RNF41: variants seen among roughly 807,000 people sequenced by gnomAD.
RNF41 encodes E3 ubiquitin-protein ligase NRDP1.
Under a neutral mutation model 33.0 loss-of-function variants are expected in RNF41, and 4 were observed. The ratio of observed to expected loss-of-function variants is 0.12; its 90% confidence interval spans 0.06 to 0.28. RNF41 has a LOEUF of 0.28. RNF41 is among the 10% of genes least tolerant of loss of function. The pLI, the probability that RNF41 is intolerant of heterozygous loss-of-function variation, is 1.00. For missense variants in RNF41, 228 were observed against 432.6 expected (o/e 0.53, Z 4.19); for synonymous variants, 164 against 153.2 (o/e 1.07, Z -0.52).
At position 56,206,130 on chromosome 12, in the gene RNF41, G is replaced by A; in HGVS notation, c.*317C>T. ...TCTGTCCTGATCCTCCAGGGAAATT[G>A]AATCTCTTTGTGCTTTCTGAAAATA... On this transcript the variant is annotated 3_prime_UTR_variant, in exon 7 of 7. Transcript: ENST00000345093. The surrounding 1 kb of genome is among the most constrained non-coding windows in gnomAD (Gnocchi z 5.7). 3.4e-6 allele frequency: 1 copy of A among 297,272 alleles called. No individual in the cohort carries two copies. Among genetic ancestry groups the A allele is most frequent in the Admixed American group, 4.8e-5 (1 of 20,856 alleles). The allele number at this position is 297,272 out of a possible 1,614,324, so 18.4% of individuals were successfully genotyped here. A position where few individuals can be genotyped will look rare whatever the true frequency, so the allele number is the denominator to read the frequency against.
intron 3 of RNF41, chr12:56,213,081 T>C (rs1565943704): frequency 1.6e-6 from 2 of 1,289,746 alleles, no homozygotes; most frequent in African/African-American, 1.5e-5. Flanking sequence ...AAATGACCTA[T>C]TGAAGGTGGC....
At position 56,206,425 on chromosome 12, in the gene RNF41, C is replaced by T; in HGVS notation, c.*22G>A. On this transcript the variant is annotated 3_prime_UTR_variant, in exon 7 of 7. Coordinates refer to ENST00000345093, the MANE Select transcript of RNF41 (RefSeq NM_005785.4). This position sits in a 1 kb window ranked among gnomAD's most constrained non-coding sequence, Gnocchi z 5.7. The stretch of plus-strand genomic sequence containing the variant: ...TGGGATTTTCTGATTTCCATCTCTT[C>T]CTGATAGCCAGTCGAGTTCTCTTAT... 6.3e-7 allele frequency: 1 copy of T among 1,575,948 alleles called. No individual in the cohort carries two copies. The highest frequency in any genetic ancestry group is 8.7e-7 in the Non-Finnish European group (1 of 1,155,984).
chr12:56,212,396 T>G (rs1049721988), intron 3 of RNF41, among the ~76,000 whole-genome samples: 7 of 152,148 alleles, frequency 4.6e-5, no homozygotes, highest in African/African-American at 1.7e-4. Context: ...CTTAGAAATG[T>G]GTCTGGGAAC....
Position 56,215,016 on chromosome 12 carries a change from A to G in RNF41, c.-23-946T>C, listed in dbSNP as rs144529424. On this transcript the variant is annotated intron_variant, in intron 2 of 6. Transcript: ENST00000345093. ...AAGTTTTCCAGGACTGGGCGTCACC[A>G]GAAACGTGTCCTGTAGGGCAAGAGT... is the stretch of plus-strand genomic sequence containing the variant. Among the ~76,000 whole-genome samples the G allele has an allele frequency of 1.7e-3, 258 of 152,328 alleles. 1 individual carries two copies. Among genetic ancestry groups the G allele is most frequent in the African/African-American group, 4.5e-3 (186 of 41,572 alleles).
intron 2 of RNF41, among the ~76,000 whole-genome samples, chr12:56,214,810 C>G (rs929265752): frequency 6.6e-6 from 1 of 151,634 alleles, no homozygotes; most frequent in African/African-American, 2.4e-5. Context: ...GCCTAGGCAA[C>G]AGAGTAAGAC....
At chr12:56,210,810 G>A (rs1421829220) in intron 3 of RNF41, among the ~76,000 whole-genome samples, 2 of 152,190 alleles carry the variant, frequency 1.3e-5, no homozygotes, top group Admixed American at 1.3e-4. Flanking sequence ...GGAGGCTAAG[G>A]CAGGCACACT....
In RNF41 at chr12:56,206,090, T is replaced by G; in HGVS notation, c.*357A>C. ...CCCTGGTTTTGGAGGAGAGGGACGA[T>G]TAGAGATTCCTTCCTCTGTCCTGAT... On this transcript the variant is annotated 3_prime_UTR_variant, in exon 7 of 7. Coordinates refer to ENST00000345093, the MANE Select transcript of RNF41 (RefSeq NM_005785.4). The surrounding 1 kb of genome is among the most constrained non-coding windows in gnomAD (Gnocchi z 5.7). 1 of 213,302 alleles carries G rather than the reference T, an allele frequency of 4.7e-6. No individual in the cohort carries two copies. Among genetic ancestry groups the G allele is most frequent in the Admixed American group, 5.2e-5 (1 of 19,312 alleles). 13.2% of individuals were successfully genotyped at this position (213,302 alleles called of 1,614,324 possible). A position where few individuals can be genotyped will look rare whatever the true frequency, so the allele number is the denominator to read the frequency against.
At position 56,210,431 on chromosome 12, in the gene RNF41, C is replaced by T; in HGVS notation, c.228G>A (p.Leu76=). The T allele has an allele frequency of 6.2e-7, 1 of 1,614,226 alleles. No individual in the cohort carries two copies. Among genetic ancestry groups the T allele is most frequent in the Non-Finnish European group, 8.5e-7 (1 of 1,180,040 alleles). Residue 76 remains leucine, a synonymous_variant, in exon 4 of 7, where the codon TTG becomes TTA. Transcript: ENST00000345093. ...TGTCACAGGCAATCTGCAGCTTTGA[C>T]AACATGTTCCGCATGATCCGAGGTA... The part of the protein sequence containing the change: ...RPVPRIMRNM[L]SKLQIACDNA...
intron 4 of RNF41, among the ~76,000 whole-genome samples, chr12:56,208,835 G>A (rs954639223): frequency 1.8e-4 from 27 of 150,758 alleles, no homozygotes; most frequent in Non-Finnish European, 3.7e-4. Context: ...CAAAGTGTTG[G>A]GATTACAGGC....
intron 1 of RNF41, among the ~76,000 whole-genome samples, chr12:56,221,066 C>A (rs753783362): frequency 2.0e-5 from 3 of 152,118 alleles, no homozygotes; most frequent in African/African-American, 4.8e-5. Context: ...AGTTTCTGAA[C>A]GGGGAAGCAG....
At chr12:56,211,397 G>A (rs1868465625) in intron 3 of RNF41, among the ~76,000 whole-genome samples, 1 of 151,800 alleles carries the variant, frequency 6.6e-6, no homozygotes, top group South Asian at 2.1e-4. Flanking sequence ...AAAATGAGTT[G>A]TGAAACAAGA....
chr12:56,215,486 T>C (rs1237626572), intron 2 of RNF41, among the ~76,000 whole-genome samples: 3 of 151,520 alleles, frequency 2.0e-5, no homozygotes, highest in Non-Finnish European at 4.4e-5. Context: ...TTTGGGAGGC[T>C]GAGGCAGACG....
intron 2 of RNF41, among the ~76,000 whole-genome samples, chr12:56,214,286 C>T (rs1346331654): frequency 1.3e-5 from 2 of 151,830 alleles, no homozygotes; most frequent in Admixed American, 6.6e-5. Context: ...TTTGGGAGGC[C>T]GAGGCAGGCG....
chr12:56,208,309 G>C lies in RNF41; in HGVS notation c.363-11C>G, dbSNP rs1868315146. 1.2e-6 allele frequency: 2 copies of C among 1,613,926 alleles called. No individual in the cohort carries two copies. The highest frequency in any genetic ancestry group is 1.7e-5 in the Admixed American group (1 of 59,978). On this transcript the variant is annotated splice_polypyrimidine_tract_variant and intron_variant, in intron 4 of 6. Coordinates refer to ENST00000345093, the MANE Select transcript of RNF41 (RefSeq NM_005785.4). Reference sequence around the variant, plus strand: ...TTGGGCATCTCCAGGCTGCAGACCAGGGTGGGGAAAGAGCAGAACAGAGGT... The same window carrying C: ...TTGGGCATCTCCAGGCTGCAGACCACGGTGGGGAAAGAGCAGAACAGAGGT...
chr12:56,208,004 C>T (rs1741877249), intron 5 of RNF41, 159 bp downstream of exon 5: 2 of 876,990 alleles, frequency 2.3e-6, no homozygotes, highest in African/African-American at 3.3e-5. Flanking sequence ...AAGGAGAGCT[C>T]CAATCTGATT....
Position 56,206,953 on chromosome 12 carries a change from C to T in RNF41, c.603-155G>A, listed in dbSNP as rs1868276846. Reference sequence around the variant, plus strand: ...TGGCTCAGAAACCCCAAATCTTTCCCCACTTGGTCCCAACTGAGTCACCAC... The same window carrying T: ...TGGCTCAGAAACCCCAAATCTTTCCTCACTTGGTCCCAACTGAGTCACCAC... On this transcript the variant is annotated intron_variant, in intron 6 of 6. Coordinates refer to ENST00000345093, the MANE Select transcript of RNF41 (RefSeq NM_005785.4). This position sits in a 1 kb window ranked among gnomAD's most constrained non-coding sequence, Gnocchi z 5.7. 6.6e-6 allele frequency among the ~76,000 whole-genome samples: 1 copy of T among 152,144 alleles called. No individual in the cohort carries two copies. Among genetic ancestry groups the T allele is most frequent in the Non-Finnish European group, 1.5e-5 (1 of 68,030 alleles).
chr12:56,207,612 C>T (rs375262315), intron 6 of RNF41, 34 bp downstream of exon 6: 6 of 1,485,910 alleles, frequency 4.0e-6, no homozygotes, highest in African/African-American at 2.8e-5. Flanking sequence ...GTTGTCAGGA[C>T]ATGAAATCAC....
chr12:56,215,548 G>A (rs11837267), intron 2 of RNF41, among the ~76,000 whole-genome samples: 8,605 of 150,546 alleles, frequency 0.057, 805 homozygotes, highest in African/African-American at 0.2. Flanking sequence ...GCGAAACCCC[G>A]TCTCTACTAA....
At position 56,203,851 on chromosome 12, in the gene RNF41, G is replaced by A. The variant is rs1483834885; in HGVS notation, c.*2596C>T. The A allele has an allele frequency of 6.6e-6, 1 of 150,832 alleles. No individual in the cohort carries two copies. Among genetic ancestry groups the A allele is most frequent in the Non-Finnish European group, 1.5e-5 (1 of 67,880 alleles). The allele number at this position is 150,832 out of a possible 1,614,324, so 9.3% of individuals were successfully genotyped here. On this transcript the variant is annotated 3_prime_UTR_variant, in exon 7 of 7. Transcript: ENST00000345093. ...CTCCTAAGTAGCTGGGACTACAGGT[G>A]CCTGCCACCACGCCCGGCTAATTTT...
Sources: allele counts gnomAD v4.1 joint callset (sites outside exome capture counted in the v4.1 genomes callset), GRCh38; gene constraint gnomAD v4.1.1; non-coding constraint Gnocchi (gnomAD v3.1); transcripts MANE v1.5; gene names NCBI Gene and HGNC (gene_info 2026-07-23, HGNC 2026-07-21).